Variants in GPM6A observed in about 807,000 individuals in gnomAD.
GPM6A encodes the protein neuronal membrane glycoprotein M6-a.
A neutral mutation model predicts 32.1 loss-of-function variants in GPM6A; 7 were observed. The ratio of observed to expected loss-of-function variants is 0.22; its 90% CI spans 0.12 to 0.41. The LOEUF (loss-of-function observed/expected upper bound fraction) is 0.41, where lower values mean the gene tolerates loss of function less well. Ranked by LOEUF, GPM6A falls within the 10% of genes least tolerant of loss-of-function variation. GPM6A has a pLI of 1.00. For synonymous variants in GPM6A, 130 were observed against 123.4 expected (o/e 1.05, Z -0.35); for missense variants, 235 against 347.2 (o/e 0.68, Z 2.57).
chr4:175,637,833 A>C (rs1239204762), intron 6 of GPM6A, among the ~76,000 whole-genome samples: 1 of 119,974 alleles, frequency 8.3e-6, no homozygotes, highest in African/African-American at 3.3e-5. Flanking sequence ...ATATAAAAAT[A>C]TATAATATAT....
chr4:176,002,161 G>T, intron 1 of GPM6A: 1 of 888,938 alleles, frequency 1.1e-6, no homozygotes, highest in Non-Finnish European at 1.8e-6. Context: ...GGAGACAAGA[G>T]GGCGGGGGGC....
chr4:175,949,210 T>A (rs574649116), intron 1 of GPM6A, among the ~76,000 whole-genome samples: 1 of 152,330 alleles, frequency 6.6e-6, no homozygotes, highest in African/African-American at 2.4e-5. Context: ...TTTTTATGTT[T>A]TTATGTAATT....
intron 4 of GPM6A, chr4:175,641,775 C>A (rs149854860): frequency 6.6e-6 from 1 of 152,128 alleles, no homozygotes; most frequent in African/African-American, 2.4e-5. Context: ...TTGCAACCTA[C>A]GCCTCCCGGG....
At chr4:175,930,731 C>A (rs1445993295) in intron 1 of GPM6A, among the ~76,000 whole-genome samples, 2 of 152,048 alleles carry the variant, frequency 1.3e-5, no homozygotes, top group African/African-American at 4.8e-5. Flanking sequence ...GCATTCCTTT[C>A]TTCCCACATA....
chr4:175,879,012 A>C (rs189230202), intron 1 of GPM6A, among the ~76,000 whole-genome samples: 1 of 152,286 alleles, frequency 6.6e-6, no homozygotes, highest in East Asian at 1.9e-4. Flanking sequence ...TCAAATTGCC[A>C]TAGATCTATA....
intron 1 of GPM6A, among the ~76,000 whole-genome samples, chr4:175,933,109 A>G (rs1414200024): frequency 6.6e-6 from 1 of 152,110 alleles, no homozygotes; most frequent in Non-Finnish European, 1.5e-5. Context: ...AAGATACACC[A>G]AGCAAATACT....
chr4:175,761,467 T>C (rs941534099), intron 1 of GPM6A, among the ~76,000 whole-genome samples: 1 of 152,218 alleles, frequency 6.6e-6, no homozygotes, highest in Non-Finnish European at 1.5e-5. Context: ...GATGTCACAA[T>C]GTTACTATAA....
At chr4:175,642,473 C>G (rs186962668) in intron 4 of GPM6A, among the ~76,000 whole-genome samples, 2 of 152,262 alleles carry the variant, frequency 1.3e-5, no homozygotes, top group Middle Eastern at 3.4e-3. Context: ...CCTAACCCCC[C>G]TCCATGGAAA....
chr4:175,812,413 T>C, upstream of GPM6A: 3 of 1,313,142 alleles, frequency 2.3e-6, no homozygotes, highest in Non-Finnish European at 2.9e-6. Flanking sequence ...TTCCTCTTGT[T>C]TGCTTGGAGA....
Position 175,768,211 on chromosome 4 carries a change from C to T in GPM6A, c.37+43980G>A, listed in dbSNP as rs77746408. Among the ~76,000 whole-genome samples the T allele has an allele frequency of 3.5e-3, 538 of 152,244 alleles. 3 individuals carry two copies. The highest frequency in any genetic ancestry group is 6.5e-3 in the Non-Finnish European group (443 of 68,018). ...AACTAAAATTCTAAGAAAAAGCTTT[C>T]ACCTGATTAAGATAGGGAAATTATA... is the stretch of plus-strand genomic sequence containing the variant. On this transcript the variant is annotated intron_variant, in intron 1 of 6. Transcript: ENST00000393658.
chr4:175,915,754 A>G (rs947285612), intron 1 of GPM6A, among the ~76,000 whole-genome samples: 1 of 152,144 alleles, frequency 6.6e-6, no homozygotes, highest in Non-Finnish European at 1.5e-5. Context: ...GGGTATGGGG[A>G]AAAAAAGGGT....
rs71595498 is a variant in GPM6A, at chr4:175,998,149, CTT to C, written c.-23+4158_-23+4159del. ...GTGTTTAGATGTCTTGCTATTACCT[CTT>C]TTTTTTTTTCCTTTTTGTTTGAGAC... is the stretch of plus-strand genomic sequence containing the variant. On this transcript the variant is annotated intron_variant, in intron 1 of 7. Coordinates refer to the GPM6A transcript ENST00000280187. Among the ~76,000 whole-genome samples the C allele has an allele frequency of 2.7e-5, 4 of 147,802 alleles. No homozygotes were observed. The Admixed American group carries it at 2.7e-4, about 10-fold the overall frequency.
intron 4 of GPM6A, chr4:175,641,986 G>C (rs1047579613): frequency 1.3e-5 from 2 of 152,120 alleles, no homozygotes; most frequent in East Asian, 1.9e-4. Flanking sequence ...ACGGTACCAG[G>C]CCTTCTTTAT....
intron 1 of GPM6A, among the ~76,000 whole-genome samples, chr4:175,780,026 T>A (rs1733555019): frequency 6.6e-6 from 1 of 151,966 alleles, no homozygotes; most frequent in Non-Finnish European, 1.5e-5. Context: ...AAAAAATTAG[T>A]ATTTTAATTC....
At chr4:175,978,305 C>A (rs1020726184) in intron 1 of GPM6A, among the ~76,000 whole-genome samples, 1 of 152,138 alleles carries the variant, frequency 6.6e-6, no homozygotes, top group Non-Finnish European at 1.5e-5. Context: ...ATAAAACTAT[C>A]AGATCTCGTG....
At chr4:175,833,878 A>C (rs1735687518) in intron 1 of GPM6A, among the ~76,000 whole-genome samples, 1 of 152,152 alleles carries the variant, frequency 6.6e-6, no homozygotes, top group African/African-American at 2.4e-5. Flanking sequence ...ATAAGCCCTT[A>C]CATGAGTCAG....
chr4:175,742,512 T>C (rs1228277592), intron 1 of GPM6A, among the ~76,000 whole-genome samples: 1 of 152,172 alleles, frequency 6.6e-6, no homozygotes, highest in African/African-American at 2.4e-5. Context: ...CCTCTTTCTA[T>C]TGAATTTCAC....
chr4:175,956,847 G>C (rs957831744), intron 1 of GPM6A, among the ~76,000 whole-genome samples: 1 of 152,144 alleles, frequency 6.6e-6, no homozygotes, highest in African/African-American at 2.4e-5. Context: ...TTTGGTACAA[G>C]TAAGAATGTC....
At chr4:175,745,182 C>T (rs766502554) in intron 1 of GPM6A, among the ~76,000 whole-genome samples, 5 of 152,048 alleles carry the variant, frequency 3.3e-5, no homozygotes, top group East Asian at 3.9e-4. Context: ...AATATTCATG[C>T]GCTAAATGTA....
Sources: allele counts gnomAD v4.1 joint callset (sites outside exome capture counted in the v4.1 genomes callset), GRCh38; gene constraint gnomAD v4.1.1; transcripts MANE v1.5; gene names NCBI Gene and HGNC (gene_info 2026-07-23, HGNC 2026-07-21).